VTCN1: variants seen among roughly 807,000 people sequenced by gnomAD.
The protein encoded by VTCN1 is V-set domain-containing T-cell activation inhibitor 1.
VTCN1 carries 26 observed loss-of-function variants against 26.5 expected under a neutral mutation model. The observed-to-expected ratio is 0.98, with a 90% CI of 0.72 to 1.36. The LOEUF (loss-of-function observed/expected upper bound fraction) is 1.36, where lower values mean the gene tolerates loss of function less well. VTCN1 is among the 40% of genes most tolerant of loss of function. The pLI is 0.00. For missense variants in VTCN1, 298 were observed against 337.7 expected (o/e 0.88, Z 0.92); for synonymous variants, 116 against 130.7 (o/e 0.89, Z 0.77).
At chr1:117,210,471 A>C (rs999331486) in intron 1 of VTCN1, among the ~76,000 whole-genome samples, 1 of 152,106 alleles carries the variant, frequency 6.6e-6, no homozygotes, top group African/African-American at 2.4e-5. Flanking sequence ...CATGCAACCC[A>C]CACCAGCCTG....
intron 2 of VTCN1, 171 bp from the exon 3 acceptor site, chr1:117,157,092 G>GAGAT (rs1553208028): frequency 2.0e-5 from 11 of 561,562 alleles, no homozygotes; most frequent in Non-Finnish European, 2.9e-5. Context: ...CAATCATTTT[G>GAGAT]ATATATATAT....
At position 117,167,854 on chromosome 1, in the gene VTCN1, A is replaced by T. The variant is rs1027780808; in HGVS notation, c.97+2253T>A. On this transcript the variant is annotated intron_variant, in intron 2 of 5. Transcript: ENST00000369458. The surrounding 1 kb of genome is among the most constrained non-coding windows in gnomAD (Gnocchi z 4.1). ...AGTAAAATAGGAATACAGATCAGAGAAAATATAAATAAGCTAAAAGCTGGT... is the reference window on the plus strand; with the variant it reads ...AGTAAAATAGGAATACAGATCAGAGTAAATATAAATAAGCTAAAAGCTGGT... Among the ~76,000 whole-genome samples the T allele has an allele frequency of 2.0e-5, 3 of 152,210 alleles. No homozygotes were observed.
intron 2 of VTCN1, among the ~76,000 whole-genome samples, chr1:117,158,125 C>G (rs1466263118): frequency 1.3e-5 from 2 of 152,172 alleles, no homozygotes; most frequent in African/African-American, 4.8e-5. Context: ...TCCAGAAGAA[C>G]AGTGCAAGCT....
At chr1:117,191,287 C>G (rs1283579723) in intron 1 of VTCN1, among the ~76,000 whole-genome samples, 1 of 152,182 alleles carries the variant, frequency 6.6e-6, no homozygotes, top group Non-Finnish European at 1.5e-5. Context: ...GGGCCACCAT[C>G]AAGTGATCAA....
intron 1 of VTCN1, among the ~76,000 whole-genome samples, chr1:117,197,169 T>C (rs1450936202): frequency 1.3e-5 from 2 of 152,166 alleles, no homozygotes; most frequent in African/African-American, 4.8e-5. Flanking sequence ...TCAGTATTAG[T>C]GAAACTGTAA....
chr1:117,156,039 G>A (rs1652052782), intron 3 of VTCN1, among the ~76,000 whole-genome samples: 1 of 152,176 alleles, frequency 6.6e-6, no homozygotes, highest in African/African-American at 2.4e-5. Flanking sequence ...CAGTACCTGA[G>A]TCCCTTGTAT....
intron 1 of VTCN1, chr1:117,172,540 A>C: frequency 2.0e-6 from 1 of 504,742 alleles, no homozygotes; most frequent in Non-Finnish European, 3.9e-6. Context: ...TAGGGTTTTC[A>C]TTTACTTTGG....
intron 1 of VTCN1, among the ~76,000 whole-genome samples, chr1:117,197,047 C>A (rs1156329605): frequency 1.3e-5 from 2 of 152,162 alleles, no homozygotes; most frequent in African/African-American, 4.8e-5. Context: ...CTAGCAGGAG[C>A]CTCTACCCAT....
chr1:117,150,239 C>T (rs1651719415), intron 4 of VTCN1, among the ~76,000 whole-genome samples: 1 of 152,242 alleles, frequency 6.6e-6, no homozygotes, highest in East Asian at 1.9e-4. Flanking sequence ...TAGAATGAGA[C>T]TGATGAATTG....
rs1331690494 is a variant in VTCN1 at position 117,161,060 on chromosome 1, T to C, written c.98-4139A>G. 6.6e-6 allele frequency among the ~76,000 whole-genome samples: 1 copy of C among 152,212 alleles called. No individual in the cohort carries two copies. Among genetic ancestry groups the C allele is most frequent in the Non-Finnish European group, 1.5e-5 (1 of 68,034 alleles). On this transcript the variant is annotated intron_variant, in intron 2 of 5. Transcript: ENST00000369458. The surrounding 1 kb of genome is among the most constrained non-coding windows in gnomAD (Gnocchi z 4.3). Reference sequence around the variant, plus strand: ...ACACTTTGGAAGCAGCTGCCATGCATGGCCATTCCTGTGGGAGATCTGGGA... The same window carrying C: ...ACACTTTGGAAGCAGCTGCCATGCACGGCCATTCCTGTGGGAGATCTGGGA...
In VTCN1 at chr1:117,153,312, C is replaced by G; in HGVS notation, c.503G>C (p.Cys168Ser). The change falls in exon 4 of 6, where the codon TGT becomes TCT. Residue 168 changes from cysteine to serine, a missense_variant. By Grantham distance (112) the Cys-to-Ser change is moderately radical. Coordinates refer to ENST00000369458, the MANE Select transcript of VTCN1 (RefSeq NM_024626.4). ...CTGGGGGAACCATCGGGGAGCCTCA[C>G]ACCGCAAGGTCTCTGAGCTGGCATT... ...DYNASSETLR[C>S]EAPRWFPQPT... is the part of the protein sequence containing the mutation. 6.2e-7 allele frequency: 1 copy of G among 1,614,086 alleles called. No individual in the cohort carries two copies. The highest frequency in any genetic ancestry group is 8.5e-7 in the Non-Finnish European group (1 of 1,179,986).
intron 2 of VTCN1, among the ~76,000 whole-genome samples, chr1:117,157,213 G>A (rs1463399185): frequency 6.6e-6 from 1 of 151,616 alleles, no homozygotes; most frequent in Non-Finnish European, 1.5e-5. Flanking sequence ...TCAAGTCTTG[G>A]CTTTGTCACT....
Position 117,182,873 on chromosome 1 carries a change from C to T in VTCN1, c.33-12702G>A, listed in dbSNP as rs1409728180. On this transcript the variant is annotated intron_variant, in intron 1 of 5. Transcript: ENST00000369458. The stretch of plus-strand genomic sequence containing the variant: ...CTGATGCTATGTGCTGTGTCCTGTA[C>T]CTACCCCACCTTTGGTTGCCATTCT... 3.9e-5 allele frequency among the ~76,000 whole-genome samples: 6 copies of T among 152,258 alleles called. No homozygotes were observed. The South Asian group carries it at 6.2e-4, about 16-fold the overall frequency.
chr1:117,188,738 C>G (rs570956943), intron 1 of VTCN1, among the ~76,000 whole-genome samples: 3 of 152,262 alleles, frequency 2.0e-5, no homozygotes. Flanking sequence ...TGCATGGCAG[C>G]CCATTTTTTC....
intron 4 of VTCN1, among the ~76,000 whole-genome samples, chr1:117,150,699 T>C (rs1651742652): frequency 1.3e-5 from 2 of 152,254 alleles, no homozygotes; most frequent in Non-Finnish European, 2.9e-5. Context: ...ATCCACGTTG[T>C]TATAAAACAA....
Position 117,175,916 on chromosome 1 carries a change from A to AC in VTCN1, c.33-5746dup, listed in dbSNP as rs1647323693. Among the ~76,000 whole-genome samples, 5 of 152,018 alleles carry AC rather than the reference A, an allele frequency of 3.3e-5. No homozygotes were observed. On this transcript the variant is annotated intron_variant, in intron 1 of 5. Transcript: ENST00000369458. This position sits in a 1 kb window ranked among gnomAD's most constrained non-coding sequence, Gnocchi z 4.2. ...TTCCCGAGTAGCTGGGATTACAGGCACGTGCCACCACGCCCGGCTAATTTT... is the reference window on the plus strand; with the variant it reads ...TTCCCGAGTAGCTGGGATTACAGGCACCGTGCCACCACGCCCGGCTAATTTT...
At chr1:117,148,736 A>G (rs1651643036) in intron 4 of VTCN1, among the ~76,000 whole-genome samples, 1 of 152,246 alleles carries the variant, frequency 6.6e-6, no homozygotes, top group Non-Finnish European at 1.5e-5. Flanking sequence ...AAAGAGAAGG[A>G]CAAAAAAATA....
In VTCN1 at chr1:117,175,676, G is replaced by T. The variant is rs1215553239; in HGVS notation, c.33-5505C>A. Among the ~76,000 whole-genome samples, 1 of 151,886 alleles carries T rather than the reference G, an allele frequency of 6.6e-6. No individual in the cohort carries two copies. The highest frequency in any genetic ancestry group is 2.4e-5 in the African/African-American group (1 of 41,318). On this transcript the variant is annotated intron_variant, in intron 1 of 5. Coordinates refer to ENST00000369458, the MANE Select transcript of VTCN1 (RefSeq NM_024626.4). The surrounding 1 kb of genome is among the most constrained non-coding windows in gnomAD (Gnocchi z 4.2). ...TGCAACCACACATGAGCTCATTGAT[G>T]CTATAGAAACATATACTGCAGCGGA...
intron 3 of VTCN1, 75 bp downstream of exon 3, chr1:117,156,499 T>A: frequency 7.1e-7 from 1 of 1,408,280 alleles, no homozygotes; most frequent in Non-Finnish European, 9.5e-7. Flanking sequence ...CACAACATAT[T>A]TCATAAGCAA....
Sources: allele counts gnomAD v4.1 joint callset (sites outside exome capture counted in the v4.1 genomes callset), GRCh38; gene constraint gnomAD v4.1.1; non-coding constraint Gnocchi (gnomAD v3.1); transcripts MANE v1.5; gene names NCBI Gene and HGNC (gene_info 2026-07-23, HGNC 2026-07-21).